The following NPIPB15 variants were observed in gnomAD, a reference collection of about 807,000 sequenced individuals.
The protein encoded by NPIPB15 is nuclear pore complex-interacting protein family member B15.
In NPIPB15, 5 loss-of-function variants were observed where a neutral mutation model predicts 35.9. The ratio of observed to expected loss-of-function variants is 0.14; its 90% CI spans 0.07 to 0.29. The LOEUF (loss-of-function observed/expected upper bound fraction) is 0.29, where lower values mean the gene tolerates loss of function less well. Among genes scored for constraint, NPIPB15 ranks in the 10% least tolerant of loss-of-function variants. The probability of loss-of-function intolerance (pLI) is 1.00; values close to 1 mark genes in which losing one functional copy is unlikely to be tolerated. For synonymous variants in NPIPB15, 43 were observed against 182.0 expected (o/e 0.24, Z 6.15); for missense variants, 100 against 506.1 (o/e 0.20, Z 7.70).
rs1225964840 is a variant in NPIPB15, at chr16:74,389,367, TTTTG to T, written c.546-454_546-451del. Among the ~76,000 whole-genome samples the T allele has an allele frequency of 3.3e-3, 464 of 141,878 alleles. 4 individuals are homozygous for T. Among genetic ancestry groups the T allele is most frequent in the African/African-American group, 0.012 (444 of 36,012 alleles). The allele number at this position is 141,878 out of a possible 152,430, so 93.1% of individuals were successfully genotyped here. Reference sequence around the variant, plus strand: ...CAGTTTGGATCAGACCGTACAGTTTTTTTGTTTTTGTTTTTGTTTTTCTGAGATG... The same window carrying T: ...CAGTTTGGATCAGACCGTACAGTTTTTTTTTGTTTTTGTTTTTCTGAGATG... On this transcript the variant is annotated intron_variant, in intron 5 of 7. Transcript: ENST00000692376.
At chr16:74,385,047 T>C (rs1366488654) in intron 3 of NPIPB15, among the ~76,000 whole-genome samples, 1 of 141,390 alleles carries the variant, frequency 7.1e-6, no homozygotes, top group Middle Eastern at 3.9e-3. Context: ...CAGAGTCTCA[T>C]TCTGTCGCTC....
chr16:74,391,887 T>A lies in NPIPB15; in HGVS notation c.1139T>A (p.Val380Glu). The A allele has an allele frequency of 1.9e-6, 3 of 1,593,638 alleles. No homozygotes were observed. The highest frequency in any genetic ancestry group is 2.6e-6 in the Non-Finnish European group (3 of 1,169,654). The change falls in exon 8 of 8, where the codon GTG becomes GAG. Residue 380 changes from valine (V) to glutamate (E), a missense_variant. Coordinates refer to ENST00000692376, the MANE Select transcript of NPIPB15 (RefSeq NM_001306094.2). ...PKPKRRRADE[V>E]EQSPKPKRQR... ...CCCAAGAGGCGGAGGGCGGATGAGG[T>A]GGAACAATCGCCCAAGCCCAAGAGG...
Position 74,377,003 on chromosome 16 carries a change from G to A in NPIPB15, c.-366G>A, listed in dbSNP as rs2011691540. Among the ~76,000 whole-genome samples, 1 of 144,702 alleles carries A rather than the reference G, an allele frequency of 6.9e-6. No homozygotes were observed. Among genetic ancestry groups the A allele is most frequent in the Non-Finnish European group, 1.5e-5 (1 of 66,502 alleles). The allele number at this position is 144,702 out of a possible 152,430, so 94.9% of individuals were successfully genotyped here. A position where few individuals can be genotyped will look rare whatever the true frequency, so the allele number is the denominator to read the frequency against. ...GATTTGCTGGAACAAAATAAGTCAG[G>A]TTAATTTTTGTAAATGTACCATGCA... is the stretch of plus-strand genomic sequence containing the variant. On this transcript the variant is annotated 5_prime_UTR_variant, in exon 1 of 8. Transcript: ENST00000692376.
At chr16:74,379,677 C>T (rs1280847494) in intron 2 of NPIPB15, among the ~76,000 whole-genome samples, 1 of 151,940 alleles carries the variant, frequency 6.6e-6, no homozygotes, top group Non-Finnish European at 1.5e-5. Flanking sequence ...GCAACCTCTG[C>T]CTCCTGGGTT....
Position 74,376,490 on chromosome 16 carries a change from G to T in NPIPB15, c.-879G>T, listed in dbSNP as rs1348159002. Among the ~76,000 whole-genome samples the T allele has an allele frequency of 6.7e-6, 1 of 149,228 alleles. No homozygotes were observed. Among genetic ancestry groups the T allele is most frequent in the African/African-American group, 2.5e-5 (1 of 40,494 alleles). On this transcript the variant is annotated 5_prime_UTR_variant, in exon 1 of 8. Transcript: ENST00000692376. ...ACACATGATGCTGCCAAGCCCTCTG[G>T]GTATTGTGGGCAAATACCTTAGGAG...
At chr16:74,380,805 C>T (rs1204541267) in intron 2 of NPIPB15, among the ~76,000 whole-genome samples, 2 of 149,924 alleles carry the variant, frequency 1.3e-5, no homozygotes, top group Non-Finnish European at 3.0e-5. Context: ...GCCTGGGTGA[C>T]AGAGTGAGAC....
intron 2 of NPIPB15, among the ~76,000 whole-genome samples, chr16:74,378,481 C>T (rs2011800390): frequency 7.9e-6 from 1 of 127,370 alleles, no homozygotes; most frequent in Non-Finnish European, 1.6e-5. Flanking sequence ...GGCTGGAGTG[C>T]AGTGGCAAGA....
intron 5 of NPIPB15, among the ~76,000 whole-genome samples, chr16:74,389,277 G>A (rs899057629): frequency 1.3e-5 from 2 of 150,496 alleles, no homozygotes; most frequent in African/African-American, 4.9e-5. Flanking sequence ...TACTGAGAAT[G>A]GGGAAGGAAA....
rs1354545872 is a variant in NPIPB15, at chr16:74,376,660, G to C, written c.-709G>C. 4.6e-5 allele frequency among the ~76,000 whole-genome samples: 7 copies of C among 152,172 alleles called. No homozygotes were observed. The highest frequency in any genetic ancestry group is 4.6e-4 in the Admixed American group (7 of 15,238). ...ACACACAGGCAGTAAGATGATTATAGATAAGGACATCATCACTCGGTTTCA... is the reference window on the plus strand; with the variant it reads ...ACACACAGGCAGTAAGATGATTATACATAAGGACATCATCACTCGGTTTCA... On this transcript the variant is annotated 5_prime_UTR_variant, in exon 1 of 8. Coordinates refer to ENST00000692376, the MANE Select transcript of NPIPB15 (RefSeq NM_001306094.2).
chr16:74,389,367 T>TTTTG (rs1225964840), intron 5 of NPIPB15, among the ~76,000 whole-genome samples: 2 of 142,008 alleles, frequency 1.4e-5, no homozygotes, highest in African/African-American at 5.5e-5. Context: ...CGTACAGTTT[T>TTTTG]TTTGTTTTTG....
At position 74,389,661 on chromosome 16, in the gene NPIPB15, C is replaced by T. The variant is rs375918467; in HGVS notation, c.546-164C>T. Among the ~76,000 whole-genome samples, 575 of 104,096 alleles carry T rather than the reference C, an allele frequency of 5.5e-3. 18 individuals carry two copies. The East Asian group carries it at 0.066, about 12-fold the overall frequency. 68.3% of individuals were successfully genotyped at this position (104,096 alleles called of 152,430 possible). A position where few individuals can be genotyped will look rare whatever the true frequency, so the allele number is the denominator to read the frequency against. On this transcript the variant is annotated intron_variant, in intron 5 of 7. Coordinates refer to ENST00000692376, the MANE Select transcript of NPIPB15 (RefSeq NM_001306094.2). ...TGCTGGGACTACAGGCATCAGCCAC[C>T]GTGACCGGCTCAGACTGTACTCTTA...
At chr16:74,378,423 CTTTTTTTT>C (rs1002146100) in intron 2 of NPIPB15, among the ~76,000 whole-genome samples, 9 of 86,126 alleles carry the variant, frequency 1.0e-4, no homozygotes, top group African/African-American at 4.0e-4. Context: ...GGTTTGATGC[CTTTTTTTT>C]TTTTTTTTTT....
chr16:74,388,343 G>A (rs1293874973), intron 5 of NPIPB15: 1 of 907,878 alleles, frequency 1.1e-6, no homozygotes, highest in East Asian at 1.3e-4. Context: ...GTGAGGTCTG[G>A]TTTTTCACAC....
At chr16:74,383,794 T>A (rs1317993576) in intron 3 of NPIPB15, among the ~76,000 whole-genome samples, 2 of 151,928 alleles carry the variant, frequency 1.3e-5, no homozygotes, top group Non-Finnish European at 2.9e-5. Context: ...CAGGCACCTA[T>A]AATCCCAGCT....
chr16:74,378,420 T>G (rs970434077), intron 2 of NPIPB15, among the ~76,000 whole-genome samples: 2 of 125,712 alleles, frequency 1.6e-5, no homozygotes, highest in Non-Finnish European at 3.2e-5. Flanking sequence ...CCTGGTTTGA[T>G]GCCTTTTTTT....
At chr16:74,378,135 T>A (rs1380204515) in intron 2 of NPIPB15, 96 bp downstream of exon 2, 1 of 1,481,182 alleles carries the variant, frequency 6.8e-7, no homozygotes, top group Non-Finnish European at 9.2e-7. Context: ...TCCCAGCACT[T>A]TAGGGGGCCG....
In NPIPB15 at chr16:74,379,839, C is replaced by T. The variant is rs866722718; in HGVS notation, c.67-1677C>T. ...TCCTGATCTCGTGGTCCACCCACCT[C>T]GGCTTCCCAAAGTGCTGGGATTGCA... On this transcript the variant is annotated intron_variant, in intron 2 of 7. Transcript: ENST00000692376. Among the ~76,000 whole-genome samples, 8 of 152,150 alleles carry T rather than the reference C, an allele frequency of 5.3e-5. No homozygotes were observed. The East Asian group carries it at 7.8e-4, about 15-fold the overall frequency.
intron 3 of NPIPB15, among the ~76,000 whole-genome samples, chr16:74,384,027 TAGA>T (rs1159589991): frequency 7.4e-6 from 1 of 134,948 alleles, no homozygotes; most frequent in African/African-American, 2.8e-5. Flanking sequence ...TTTAATATCT[TAGA>T]AGATTAAAAG....
chr16:74,379,079 C>T (rs1403209727), intron 2 of NPIPB15, among the ~76,000 whole-genome samples: 2 of 139,090 alleles, frequency 1.4e-5, no homozygotes, highest in Non-Finnish European at 3.1e-5. Context: ...GGATTACAGG[C>T]GTGAACCACC....
Sources: gnomAD v4.1 joint callset for allele counts (sites outside exome capture counted in the v4.1 genomes callset) on GRCh38, gnomAD v4.1.1 for gene constraint, MANE v1.5 for transcripts, NCBI Gene and HGNC (gene_info 2026-07-23, HGNC 2026-07-21) for gene names.